ST3GAL3: variants seen among roughly 807,000 people sequenced by gnomAD.
The protein encoded by ST3GAL3 is CMP-N-acetylneuraminate-beta-1,4-galactoside alpha-2,3-sialyltransferase.
In ST3GAL3, 21 loss-of-function variants were observed where a neutral mutation model predicts 50.1. That is an observed-to-expected ratio of 0.42 (90% CI 0.30 to 0.60). The LOEUF (loss-of-function observed/expected upper bound fraction) is 0.60. Among genes scored for constraint, ST3GAL3 ranks in the 20% least tolerant of loss-of-function variants. The pLI is 0.19. For missense variants in ST3GAL3, 353 were observed against 489.4 expected, an observed-to-expected ratio of 0.72 and a Z score of 2.63; for synonymous variants, 183 against 190.0, an observed-to-expected ratio of 0.96 and a Z score of 0.30.
intron 2 of ST3GAL3, among the ~76,000 whole-genome samples, chr1:43,741,585 CT>C (rs1214319402): frequency 6.6e-6 from 1 of 152,194 alleles, no homozygotes; most frequent in African/African-American, 2.4e-5. Flanking sequence ...TGTATTAACT[CT>C]TAGTTTTCTG....
chr1:43,866,874 G>A (rs1350428651), intron 5 of ST3GAL3, among the ~76,000 whole-genome samples: 1 of 152,194 alleles, frequency 6.6e-6, no homozygotes, highest in Non-Finnish European at 1.5e-5. Context: ...GCTCATGCCT[G>A]TAATCCCAGC....
At chr1:43,819,283 G>C (rs1171190931) in intron 4 of ST3GAL3, 1 of 152,152 alleles carries the variant, frequency 6.6e-6, no homozygotes, top group East Asian at 1.9e-4. Flanking sequence ...AGTAGAGCTG[G>C]GGTTTTTCCA....
chr1:43,814,897 A>T lies in ST3GAL3; in HGVS notation c.173A>T (p.Asp58Val), dbSNP rs2061043617. The stretch of plus-strand genomic sequence containing the variant: ...TTCTGCTTTTCTTTTTCAGAGTATG[A>T]TCGGTTGGGCTTCCTCCTGAATCTG... ...SAGQTLGSEY[D>V]RLGFLLNLDS... The change falls in exon 4 of 12, where the codon GAT becomes GTT. Residue 58 changes from aspartate (D) to valine (V), a missense_variant. Asp to Val is a radical substitution (Grantham distance 152). Coordinates refer to ENST00000347631, the MANE Select transcript of ST3GAL3 (RefSeq NM_006279.5). 6.2e-7 allele frequency: 1 copy of T among 1,614,034 alleles called. No homozygotes were observed. The highest frequency in any genetic ancestry group is 8.5e-7 in the Non-Finnish European group (1 of 1,180,008).
At chr1:43,900,031 G>A (rs1345184993) in intron 9 of ST3GAL3, among the ~76,000 whole-genome samples, 1 of 150,558 alleles carries the variant, frequency 6.6e-6, no homozygotes, top group Non-Finnish European at 1.5e-5. Flanking sequence ...CCCTTCCCTG[G>A]CCTTAGATCT....
intron 5 of ST3GAL3, among the ~76,000 whole-genome samples, chr1:43,868,468 A>G (rs1023443230): frequency 1.2e-4 from 19 of 152,154 alleles, no homozygotes; most frequent in Non-Finnish European, 2.8e-4. Context: ...CTTTAGTCCC[A>G]TAGGCTGGCA....
intron 1 of ST3GAL3, among the ~76,000 whole-genome samples, chr1:43,711,983 C>A (rs1349330625): frequency 6.6e-6 from 1 of 152,138 alleles, no homozygotes; most frequent in Non-Finnish European, 1.5e-5. Flanking sequence ...GAGGAGGTTT[C>A]ACTTTTGACA....
intron 5 of ST3GAL3, among the ~76,000 whole-genome samples, chr1:43,854,063 G>C (rs144464094): frequency 6.6e-6 from 1 of 152,188 alleles, no homozygotes; most frequent in African/African-American, 2.4e-5. Context: ...GGGAGGGGTA[G>C]TAAGATTGAG....
intron 2 of ST3GAL3, among the ~76,000 whole-genome samples, chr1:43,769,079 A>G (rs943722866): frequency 2.0e-5 from 3 of 152,256 alleles, no homozygotes; most frequent in Non-Finnish European, 2.9e-5. Context: ...CCTAATATAC[A>G]TGGTTGATGT....
chr1:43,838,588 G>C (rs544222444), intron 5 of ST3GAL3: 55 of 408,182 alleles, frequency 1.3e-4, no homozygotes, highest in Non-Finnish European at 2.4e-4. Flanking sequence ...CAGGTATCCA[G>C]AGGCAGCCAG....
chr1:43,768,084 C>A (rs914570646), intron 2 of ST3GAL3, among the ~76,000 whole-genome samples: 1 of 152,036 alleles, frequency 6.6e-6, no homozygotes, highest in Non-Finnish European at 1.5e-5. Context: ...AAAATTTGTT[C>A]TTTCAAAAGA....
intron 1 of ST3GAL3, among the ~76,000 whole-genome samples, chr1:43,718,839 C>G (rs922958338): frequency 3.9e-5 from 6 of 151,960 alleles, no homozygotes; most frequent in African/African-American, 1.5e-4. Context: ...AGGGGCCCAC[C>G]ACCACGCTTG....
intron 11 of ST3GAL3, chr1:43,921,781 C>T (rs1468075291): frequency 4.8e-5 from 19 of 398,774 alleles, no homozygotes; most frequent in Non-Finnish European, 8.8e-6. Context: ...ACTGAAGCCA[C>T]AGAGGGGACT....
At chr1:43,741,820 C>T (rs575655418) in intron 2 of ST3GAL3, among the ~76,000 whole-genome samples, 4 of 152,296 alleles carry the variant, frequency 2.6e-5, no homozygotes, top group South Asian at 2.1e-4. Flanking sequence ...TCGAGGTGAG[C>T]GCCACATTTG....
Position 43,793,050 on chromosome 1 carries a change from A to C in ST3GAL3, c.166+901A>C, listed in dbSNP as rs74442289. ...ATGGTAGATTGATGATTCACAAAACAGCCATGAGGGTCAGGCAGTTGTAGT... is the reference window on the plus strand; with the variant it reads ...ATGGTAGATTGATGATTCACAAAACCGCCATGAGGGTCAGGCAGTTGTAGT... On this transcript the variant is annotated intron_variant, in intron 3 of 11. Transcript: ENST00000347631. 9.7e-3 allele frequency among the ~76,000 whole-genome samples: 1,472 copies of C among 152,282 alleles called. 21 individuals carry two copies. The highest frequency in any genetic ancestry group is 0.034 in the African/African-American group (1,404 of 41,548).
intron 3 of ST3GAL3, among the ~76,000 whole-genome samples, chr1:43,799,254 T>C (rs1354587570): frequency 1.3e-5 from 2 of 152,252 alleles, no homozygotes; most frequent in Non-Finnish European, 2.9e-5. Flanking sequence ...ATTTTTGTAT[T>C]GAGCATATGT....
intron 5 of ST3GAL3, among the ~76,000 whole-genome samples, chr1:43,862,026 C>CT (rs1157878208): frequency 1.4e-5 from 2 of 138,320 alleles, no homozygotes; most frequent in African/African-American, 2.9e-5. Flanking sequence ...GAAAATCTGT[C>CT]TTAAAAAAAA....
intron 2 of ST3GAL3, among the ~76,000 whole-genome samples, chr1:43,782,477 C>CT (rs1376388252): frequency 1.3e-5 from 2 of 152,188 alleles, no homozygotes; most frequent in African/African-American, 4.8e-5. Flanking sequence ...TTTCTCTACT[C>CT]TGTCTACTTT....
At chr1:43,870,212 G>C (rs2072334524) in intron 5 of ST3GAL3, among the ~76,000 whole-genome samples, 1 of 152,244 alleles carries the variant, frequency 6.6e-6, no homozygotes, top group African/African-American at 2.4e-5. Context: ...TGAATTTTGT[G>C]AGGCTAAAAT....
At chr1:43,818,378 G>C (rs1415768125) in intron 4 of ST3GAL3, among the ~76,000 whole-genome samples, 1 of 152,184 alleles carries the variant, frequency 6.6e-6, no homozygotes, top group Non-Finnish European at 1.5e-5. Flanking sequence ...TCATCACTCA[G>C]GTGATCCAGG....
Sources: allele counts gnomAD v4.1 joint callset (sites outside exome capture counted in the v4.1 genomes callset), GRCh38; gene constraint gnomAD v4.1.1; transcripts MANE v1.5; gene names NCBI Gene and HGNC (gene_info 2026-07-23, HGNC 2026-07-21).